The following OCIAD1 variants were observed in gnomAD, a reference collection of about 807,000 sequenced individuals.
OCIAD1 encodes OCIA domain-containing protein 1.
A neutral mutation model predicts 38.9 loss-of-function variants in OCIAD1; 29 were observed. The observed-to-expected ratio is 0.74, with a 90% confidence interval of 0.55 to 1.02. The LOEUF is 1.02. Ranked by LOEUF, OCIAD1 falls within the 50% of genes least tolerant of loss-of-function variation. The pLI is 0.00. For missense variants in OCIAD1, 288 were observed against 289.6 expected, an observed-to-expected ratio of 0.99 and a Z score of 0.04; for synonymous variants, 110 against 92.0, an observed-to-expected ratio of 1.20 and a Z score of -1.12.
chr4:48,815,750 G>A (rs1388042970), intron 1 of OCIAD1, among the ~76,000 whole-genome samples: 1 of 152,162 alleles, frequency 6.6e-6, no homozygotes, highest in Non-Finnish European at 1.5e-5. Flanking sequence ...GGTCGCAAAT[G>A]ACTTTCCCTT....
intron 7 of OCIAD1, 61 bp downstream of exon 7, chr4:48,852,036 A>G (rs1259831990): frequency 7.9e-7 from 1 of 1,264,482 alleles, no homozygotes; most frequent in Non-Finnish European, 1.1e-6. Flanking sequence ...TATAAACTTT[A>G]TTTGATGACC....
At chr4:48,838,757 T>G (rs1299732874) in intron 3 of OCIAD1, among the ~76,000 whole-genome samples, 1 of 152,212 alleles carries the variant, frequency 6.6e-6, no homozygotes, top group Non-Finnish European at 1.5e-5. Flanking sequence ...TTTTTATACA[T>G]TTTTTAGGTC....
chr4:48,857,860 TAATG>T (rs1780212540), intron 8 of OCIAD1, among the ~76,000 whole-genome samples: 1 of 151,986 alleles, frequency 6.6e-6, no homozygotes. Context: ...TGTTAGAAAA[TAATG>T]AAGTCAAGGC....
intron 4 of OCIAD1, among the ~76,000 whole-genome samples, chr4:48,845,109 ATT>A: frequency 6.6e-6 from 1 of 152,156 alleles, no homozygotes; most frequent in African/African-American, 2.4e-5. Flanking sequence ...TGCCAAAACC[ATT>A]TAAACATGCT....
At chr4:48,824,240 C>G (rs1026829511) in intron 1 of OCIAD1, among the ~76,000 whole-genome samples, 2 of 151,906 alleles carry the variant, frequency 1.3e-5, no homozygotes, top group Non-Finnish European at 2.9e-5. Flanking sequence ...CCTTGGCCTC[C>G]CAAAGTGCTG....
At chr4:48,854,855 A>G (rs1779872815) in intron 7 of OCIAD1, among the ~76,000 whole-genome samples, 1 of 152,188 alleles carries the variant, frequency 6.6e-6, no homozygotes, top group Non-Finnish European at 1.5e-5. Context: ...TTTACCAGGA[A>G]TTCAGAGAGT....
At chr4:48,805,817 TA>T (rs1437966352) in intron 1 of OCIAD1, among the ~76,000 whole-genome samples, 2 of 152,240 alleles carry the variant, frequency 1.3e-5, no homozygotes, top group African/African-American at 4.8e-5. Flanking sequence ...TTTTGTATTT[TA>T]GGGGTATATG....
rs1486827287 is a variant in OCIAD1 at position 48,831,178 on chromosome 4, A to G, written c.-77A>G. 1 of 317,818 alleles carries G rather than the reference A, an allele frequency of 3.1e-6. No individual in the cohort carries two copies. Among genetic ancestry groups the G allele is most frequent in the Non-Finnish European group, 6.3e-6 (1 of 158,904 alleles). 19.7% of individuals were successfully genotyped at this position (317,818 alleles called of 1,614,324 possible). A position where few individuals can be genotyped will look rare whatever the true frequency, so the allele number is the denominator to read the frequency against. ...TTTTCTCCCTCCCTGCCCCCTCTCG[A>G]GTCCACCCTCCGGGCCTTCTGCCCC... On this transcript the variant is annotated 5_prime_UTR_variant, in exon 1 of 9. Coordinates refer to ENST00000264312, the MANE Select transcript of OCIAD1 (RefSeq NM_017830.4).
At chr4:48,819,185 G>A (rs1777168088) in intron 1 of OCIAD1, among the ~76,000 whole-genome samples, 1 of 152,056 alleles carries the variant, frequency 6.6e-6, no homozygotes, top group African/African-American at 2.4e-5. Context: ...GAAAGGTCAG[G>A]TCACCTACAA....
chr4:48,834,397 C>G (rs1257014702), intron 3 of OCIAD1, among the ~76,000 whole-genome samples: 1 of 152,204 alleles, frequency 6.6e-6, no homozygotes, highest in African/African-American at 2.4e-5. Flanking sequence ...GTCTTGAACT[C>G]CTGACCTTAG....
chr4:48,841,636 A>G (rs931676990), intron 3 of OCIAD1, among the ~76,000 whole-genome samples: 1 of 152,214 alleles, frequency 6.6e-6, no homozygotes, highest in African/African-American at 2.4e-5. Flanking sequence ...GTTTGGGCAC[A>G]GTGAGCCAAT....
At chr4:48,836,221 G>C (rs1777974455) in intron 3 of OCIAD1, among the ~76,000 whole-genome samples, 1 of 152,132 alleles carries the variant, frequency 6.6e-6, no homozygotes, top group African/African-American at 2.4e-5. Flanking sequence ...GTTGATTAGT[G>C]TGTCATTTGG....
chr4:48,832,579 T>G lies in OCIAD1; in HGVS notation c.-5-41T>G, dbSNP rs748952711. 3 of 1,445,344 alleles carry G rather than the reference T, an allele frequency of 2.1e-6. No individual in the cohort carries two copies. In the African/African-American group the frequency reaches 4.2e-5, roughly 20 times the overall value. The allele number at this position is 1,445,344 out of a possible 1,614,324, so 89.5% of individuals were successfully genotyped here. A position where few individuals can be genotyped will look rare whatever the true frequency, so the allele number is the denominator to read the frequency against. The stretch of plus-strand genomic sequence containing the variant: ...TCTTGATTTACTTTGACCTATCTAG[T>G]GATAGTTTCTAATACTTAATATGTA... On this transcript the variant is annotated intron_variant, in intron 1 of 8. Transcript: ENST00000264312.
chr4:48,821,525 A>C (rs1777193912), intron 1 of OCIAD1, among the ~76,000 whole-genome samples: 1 of 152,218 alleles, frequency 6.6e-6, no homozygotes, highest in Non-Finnish European at 1.5e-5. Context: ...TATTTAACGT[A>C]GTATTGGAAG....
In OCIAD1 at chr4:48,857,381, C is replaced by G. The variant is rs766059776; in HGVS notation, c.700+16C>G. The stretch of plus-strand genomic sequence containing the variant: ...AAAAAAGAAGGTATGATAGTTTAGT[C>G]TGAATCACTTTACTGTTGAGGATTG... On this transcript the variant is annotated intron_variant, in intron 8 of 8. Transcript: ENST00000264312. 2.0e-5 allele frequency: 30 copies of G among 1,494,962 alleles called. No individual in the cohort carries two copies. Among genetic ancestry groups the G allele is most frequent in the South Asian group, 7.0e-5 (5 of 71,254 alleles). 92.6% of individuals were successfully genotyped at this position (1,494,962 alleles called of 1,614,324 possible).
chr4:48,815,353 A>G (rs1038626053), intron 1 of OCIAD1, among the ~76,000 whole-genome samples: 3 of 152,216 alleles, frequency 2.0e-5, no homozygotes, highest in African/African-American at 7.2e-5. Flanking sequence ...AAATTCACAC[A>G]GTGGCAGATG....
intron 7 of OCIAD1, chr4:48,855,944 A>T (rs541455177): frequency 6.6e-6 from 1 of 152,192 alleles, no homozygotes; most frequent in Non-Finnish European, 1.5e-5. Flanking sequence ...ATTATTTTTT[A>T]AAAAGTTAAT....
intron 3 of OCIAD1, among the ~76,000 whole-genome samples, chr4:48,835,846 G>T (rs1396195435): frequency 6.6e-6 from 1 of 152,110 alleles, no homozygotes; most frequent in Non-Finnish European, 1.5e-5. Context: ...AACAACAAAA[G>T]AATTAATAGT....
chr4:48,855,898 G>C (rs1196405028), intron 7 of OCIAD1: 1 of 151,906 alleles, frequency 6.6e-6, no homozygotes, highest in Non-Finnish European at 1.5e-5. Flanking sequence ...TATTCACTGG[G>C]ATCCTACCTT....
Sources: gnomAD v4.1 joint callset for allele counts (sites outside exome capture counted in the v4.1 genomes callset) on GRCh38, gnomAD v4.1.1 for gene constraint, MANE v1.5 for transcripts, NCBI Gene and HGNC (gene_info 2026-07-23, HGNC 2026-07-21) for gene names.